The following CASP6 variants were observed in gnomAD, a reference collection of about 807,000 sequenced individuals.
CASP6 encodes caspase-6.
A neutral mutation model predicts 31.8 loss-of-function variants in CASP6; 20 were observed. That is an observed-to-expected ratio of 0.63 (90% CI 0.44 to 0.91). The LOEUF (loss-of-function observed/expected upper bound fraction) is 0.91, where lower values mean the gene tolerates loss of function less well. Ranked by LOEUF, CASP6 falls within the 40% of genes least tolerant of loss-of-function variation. The pLI is 0.00. For synonymous variants in CASP6, 130 were observed against 127.8 expected (o/e 1.02, Z -0.12); for missense variants, 328 against 361.1 (o/e 0.91, Z 0.74).
the CASP6 span, among the ~76,000 whole-genome samples, chr4:109,680,166 A>AT: frequency 6.6e-6 from 1 of 152,122 alleles, no homozygotes; most frequent in African/African-American, 2.4e-5. Context: ...TCTCTTTGAA[A>AT]TGTTAACGTT....
In CASP6 at chr4:109,694,609, T is replaced by G; in HGVS notation, c.399A>C (p.Lys133Asn). 6.2e-7 allele frequency: 1 copy of G among 1,612,984 alleles called. No individual in the cohort carries two copies. Among genetic ancestry groups the G allele is most frequent in the Non-Finnish European group, 8.5e-7 (1 of 1,179,538 alleles). ...EGNHIYAYDA[K>N]IEIQTLTGLF... ...AGCCAGTTAATGTCTGAATTTCGAT[T>G]TTAGCATCATATGCATAAATGTGAT... Residue 133 changes from lysine (K) to asparagine (N), a missense_variant, in exon 5 of 7, where the codon AAA (lysine) becomes AAC (asparagine). Transcript: ENST00000265164.
the CASP6 span, among the ~76,000 whole-genome samples, chr4:109,676,975 C>A: frequency 1.3e-5 from 2 of 152,224 alleles, no homozygotes; most frequent in Non-Finnish European, 2.9e-5. Context: ...TGTGCAGCAG[C>A]ATCCTGGGAG....
chr4:109,674,707 T>G, the CASP6 span, among the ~76,000 whole-genome samples: 1 of 152,258 alleles, frequency 6.6e-6, no homozygotes, highest in African/African-American at 2.4e-5. Context: ...ATTGTAAACA[T>G]GAGAATAACT....
At chr4:109,667,575 A>G in the CASP6 span, among the ~76,000 whole-genome samples, 7,630 of 150,966 alleles carry the variant, frequency 0.051, 672 homozygotes, top group African/African-American at 0.18. Flanking sequence ...TCCTGTTCTC[A>G]ATTTCATTGG....
chr4:109,686,215 G>A (rs754552930), downstream of CASP6, among the ~76,000 whole-genome samples: 1 of 152,152 alleles, frequency 6.6e-6, no homozygotes, highest in African/African-American at 2.4e-5. Context: ...TCAGTTCACT[G>A]CAACCTCCGC....
At chr4:109,696,160 T>G (rs1730232390) in intron 4 of CASP6, among the ~76,000 whole-genome samples, 1 of 152,172 alleles carries the variant, frequency 6.6e-6, no homozygotes, top group African/African-American at 2.4e-5. Context: ...AAGGGGTCAT[T>G]TCATTCATTT....
the CASP6 span, chr4:109,664,405 C>A: frequency 1.8e-5 from 18 of 995,600 alleles, no homozygotes; most frequent in African/African-American, 3.3e-5. Context: ...GTAAGAAACA[C>A]AGCTATCCAA....
intron 1 of CASP6, among the ~76,000 whole-genome samples, chr4:109,700,145 C>G (rs1277602084): frequency 6.6e-6 from 1 of 152,204 alleles, no homozygotes; most frequent in African/African-American, 2.4e-5. Flanking sequence ...TCATATCCCT[C>G]AGGGTGAAAA....
At position 109,689,294 on chromosome 4, in the gene CASP6, T is replaced by A; in HGVS notation, c.*36A>T. The A allele has an allele frequency of 6.3e-7, 1 of 1,594,606 alleles. No individual in the cohort carries two copies. Among genetic ancestry groups the A allele is most frequent in the Non-Finnish European group, 8.6e-7 (1 of 1,163,834 alleles). ...CCACGCCTGGCTGAGAAAGCCATTT[T>A]CAATACAGAGTGTAAAATTAGATAG... On this transcript the variant is annotated 3_prime_UTR_variant, in exon 7 of 7. Coordinates refer to ENST00000265164, the MANE Select transcript of CASP6 (RefSeq NM_001226.4).
downstream of CASP6, chr4:109,684,609 C>G (rs753270535): frequency 4.4e-5 from 70 of 1,585,018 alleles, no homozygotes; most frequent in Non-Finnish European, 6.1e-5. Context: ...TTTGCAAATT[C>G]TATGGTCTTT....
chr4:109,686,954 T>C (rs1378572211), downstream of CASP6, among the ~76,000 whole-genome samples: 1 of 150,974 alleles, frequency 6.6e-6, no homozygotes, highest in Non-Finnish European at 1.5e-5. Context: ...GATAAAGTGG[T>C]AGGTTAAGGG....
chr4:109,703,569 C>A (rs544612599), upstream of CASP6: 6 of 787,622 alleles, frequency 7.6e-6, no homozygotes, highest in Admixed American at 1.5e-4. Flanking sequence ...GCTGGTCCTT[C>A]CCAGAGTTAA....
upstream of CASP6, among the ~76,000 whole-genome samples, chr4:109,705,553 T>C (rs986567778): frequency 5.3e-5 from 8 of 152,164 alleles, no homozygotes; most frequent in Non-Finnish European, 1.2e-4. Context: ...GCAAAGTAAA[T>C]TGAAAATCTT....
Position 109,691,832 on chromosome 4 carries a change from A to C in CASP6, c.484-823T>G, listed in dbSNP as rs5030586. ...AAGAAATTGGGACACAGACATGCAC[A>C]GAAGAAAGACCATATGAAGGCACAG... On this transcript the variant is annotated intron_variant, in intron 5 of 6. Transcript: ENST00000265164. 8.2e-3 allele frequency among the ~76,000 whole-genome samples: 1,255 copies of C among 152,332 alleles called. 18 individuals carry two copies. Among genetic ancestry groups the C allele is most frequent in the African/African-American group, 0.028 (1,147 of 41,582 alleles).
chr4:109,685,346 G>GTT, downstream of CASP6: 1 of 1,534,414 alleles, frequency 6.5e-7, no homozygotes, highest in Admixed American at 1.7e-5. Flanking sequence ...AATACAACAA[G>GTT]TTAAAAGAAG....
chr4:109,677,802 A>ATTTTTTTTTTTTTTTTTTTTT, the CASP6 span, among the ~76,000 whole-genome samples: 1 of 86,606 alleles, frequency 1.2e-5, no homozygotes, highest in Admixed American at 1.3e-4. Context: ...AAGGAAACAA[A>ATTTTTTTTTTTTTTTTTTTTT]TTTTTTTTTT....
intron 1 of CASP6, among the ~76,000 whole-genome samples, chr4:109,702,327 T>C (rs1730445270): frequency 1.4e-5 from 2 of 141,892 alleles, no homozygotes; most frequent in African/African-American, 5.5e-5. Context: ...CGTTTCGTTC[T>C]TTTTTTTTTT....
chr4:109,709,154 T>G, the CASP6 span, among the ~76,000 whole-genome samples: 1 of 152,226 alleles, frequency 6.6e-6, no homozygotes, highest in Non-Finnish European at 1.5e-5. Context: ...GAAGATTACC[T>G]AAACTACTTC....
chr4:109,691,392 C>A (rs1382074057), intron 5 of CASP6, among the ~76,000 whole-genome samples: 1 of 152,126 alleles, frequency 6.6e-6, no homozygotes, highest in Non-Finnish European at 1.5e-5. Context: ...TTTAGGCAGG[C>A]AGTGTATTTC....
Sources: allele counts gnomAD v4.1 joint callset (sites outside exome capture counted in the v4.1 genomes callset), GRCh38; gene constraint gnomAD v4.1.1; transcripts MANE v1.5; gene names NCBI Gene and HGNC (gene_info 2026-07-23, HGNC 2026-07-21).